Variants in USP34 observed in about 807,000 individuals in gnomAD.
The protein encoded by USP34 is ubiquitin carboxyl-terminal hydrolase 34.
USP34 carries 70 observed loss-of-function variants against 460.3 expected under a neutral mutation model. The observed-to-expected ratio is 0.15, with a 90% CI of 0.13 to 0.19. The LOEUF is 0.19. Among genes scored for constraint, USP34 ranks in the 10% least tolerant of loss-of-function variants. USP34 has a pLI of 1.00. For synonymous variants in USP34, 1,647 were observed against 1,405.3 expected, an observed-to-expected ratio of 1.17 and a Z score of -3.85; for missense variants, 3,985 against 4,236.2, an observed-to-expected ratio of 0.94 and a Z score of 1.65.
intron 37 of USP34, 38 bp downstream of exon 37, chr2:61,283,107 C>T: frequency 6.3e-7 from 1 of 1,594,626 alleles, no homozygotes; most frequent in Non-Finnish European, 8.5e-7. Flanking sequence ...TGAAAACATA[C>T]AAAAAATAAC....
chr2:61,306,062 C>A (rs1690394106), intron 27 of USP34, among the ~76,000 whole-genome samples: 1 of 152,022 alleles, frequency 6.6e-6, no homozygotes, highest in Admixed American at 6.6e-5. Context: ...GTTTCTTTTG[C>A]TGTGCAGAAG....
chr2:61,402,991 GT>G (rs1452615147), intron 3 of USP34, among the ~76,000 whole-genome samples: 1 of 152,072 alleles, frequency 6.6e-6, no homozygotes, highest in Non-Finnish European at 1.5e-5. Flanking sequence ...TAGAGCACTT[GT>G]AACAGATCAT....
chr2:61,455,956 A>C (rs769943816), intron 1 of USP34, among the ~76,000 whole-genome samples: 2 of 152,172 alleles, frequency 1.3e-5, no homozygotes, highest in Non-Finnish European at 2.9e-5. Context: ...ACTCAGGTCT[A>C]CCAGGTTCCA....
chr2:61,211,596 A>T (rs1687274282), intron 69 of USP34, among the ~76,000 whole-genome samples, 176 bp downstream of exon 69: 1 of 152,214 alleles, frequency 6.6e-6, no homozygotes, highest in African/African-American at 2.4e-5. Flanking sequence ...ATACACAAAT[A>T]CAAACCAAAG....
chr2:61,451,730 A>C (rs887912373), intron 1 of USP34, among the ~76,000 whole-genome samples: 5 of 152,092 alleles, frequency 3.3e-5, no homozygotes, highest in Non-Finnish European at 7.4e-5. Context: ...TGGCATTTCA[A>C]ATCAATGGAA....
chr2:61,347,839 G>A (rs764509069), intron 15 of USP34, 31 bp downstream of exon 15: 2 of 1,602,590 alleles, frequency 1.2e-6, no homozygotes, highest in Non-Finnish European at 8.5e-7. Context: ...AAGGAAATAT[G>A]AACTGAATAT....
chr2:61,232,213 TAC>T, intron 58 of USP34, among the ~76,000 whole-genome samples: 1 of 152,254 alleles, frequency 6.6e-6, no homozygotes. Flanking sequence ...AACAGGAAAT[TAC>T]AGTCAATCTT....
At chr2:61,207,600 T>C (rs1188623026) in intron 70 of USP34, 1 of 152,184 alleles carries the variant, frequency 6.6e-6, no homozygotes. Context: ...GTATGTCTTG[T>C]TCACTGCTGT....
chr2:61,467,076 C>T (rs541941804), intron 1 of USP34, among the ~76,000 whole-genome samples: 1 of 151,916 alleles, frequency 6.6e-6, no homozygotes, highest in African/African-American at 2.4e-5. Context: ...GAGACGGAAG[C>T]GGGTAGATCA....
intron 2 of USP34, among the ~76,000 whole-genome samples, chr2:61,417,731 CTT>C (rs1209239161): frequency 1.0e-5 from 1 of 95,252 alleles, no homozygotes; most frequent in African/African-American, 3.9e-5. Context: ...TTTTTTTTTT[CTT>C]TTTTTCTTTT....
At chr2:61,357,626 T>C (rs1692145976) in intron 10 of USP34, among the ~76,000 whole-genome samples, 1 of 152,216 alleles carries the variant, frequency 6.6e-6, no homozygotes, top group Admixed American at 6.5e-5. Flanking sequence ...GCTGGTCAGA[T>C]GCAGTTCATG....
At chr2:61,207,139 T>G (rs111498536) in intron 70 of USP34, 1 of 299,328 alleles carries the variant, frequency 3.3e-6, no homozygotes, top group Non-Finnish European at 6.1e-6. Flanking sequence ...TCACATTTTT[T>G]TAAAAAAGTA....
intron 43 of USP34, among the ~76,000 whole-genome samples, chr2:61,260,836 T>C (rs1226894133): frequency 6.6e-6 from 1 of 152,190 alleles, no homozygotes; most frequent in African/African-American, 2.4e-5. Flanking sequence ...ATTTTTATTA[T>C]TAGAGAATGA....
intron 15 of USP34, chr2:61,346,150 G>A (rs1691760375): frequency 6.6e-6 from 1 of 152,002 alleles, no homozygotes; most frequent in African/African-American, 2.4e-5. Context: ...TTTATTACAA[G>A]ATGTTGAAAA....
chr2:61,226,482 A>G (rs918859639), intron 62 of USP34, among the ~76,000 whole-genome samples: 1 of 152,184 alleles, frequency 6.6e-6, no homozygotes, highest in African/African-American at 2.4e-5. Context: ...CTCTGTCATC[A>G]TAGCATTCCC....
At chr2:61,314,491 C>T in intron 25 of USP34, 94 bp downstream of exon 25, 1 of 1,182,984 alleles carries the variant, frequency 8.5e-7, no homozygotes, top group South Asian at 2.8e-5. Context: ...TACTTGACCC[C>T]AACAAAAACT....
intron 33 of USP34, among the ~76,000 whole-genome samples, chr2:61,292,764 A>G (rs1037725569): frequency 1.4e-4 from 21 of 152,236 alleles, no homozygotes; most frequent in African/African-American, 4.8e-4. Context: ...TGTCCTTTAC[A>G]ATGAGCTTGA....
intron 3 of USP34, among the ~76,000 whole-genome samples, chr2:61,399,151 A>T (rs1351072365): frequency 2.6e-5 from 4 of 151,884 alleles, no homozygotes; most frequent in Non-Finnish European, 5.9e-5. Context: ...TCAGGAGTTC[A>T]AGACCAGCCT....
intron 7 of USP34, 72 bp downstream of exon 7, chr2:61,380,093 CATAA>C (rs1380009668): frequency 7.6e-7 from 1 of 1,321,984 alleles, no homozygotes; most frequent in African/African-American, 1.5e-5. Context: ...TGAAGTGCTC[CATAA>C]ATAGTGGGTA....
Sources: gnomAD v4.1 joint callset for allele counts (sites outside exome capture counted in the v4.1 genomes callset) on GRCh38, gnomAD v4.1.1 for gene constraint, MANE v1.5 for transcripts, NCBI Gene and HGNC (gene_info 2026-07-23, HGNC 2026-07-21) for gene names.